GRAMD2B: variants seen among roughly 807,000 people sequenced by gnomAD.
The protein encoded by GRAMD2B is GRAM domain-containing protein 2B.
A neutral mutation model predicts 59.2 loss-of-function variants in GRAMD2B; 41 were observed. The observed-to-expected ratio is 0.69, with a 90% CI of 0.54 to 0.90. The LOEUF (loss-of-function observed/expected upper bound fraction) is 0.90. Among genes scored for constraint, GRAMD2B ranks in the 40% least tolerant of loss-of-function variants. The probability of loss-of-function intolerance (pLI) is 0.00; values close to 1 mark genes in which losing one functional copy is unlikely to be tolerated. For missense variants in GRAMD2B, 424 were observed against 500.5 expected (o/e 0.85, Z 1.46); for synonymous variants, 161 against 182.7 (o/e 0.88, Z 0.96).
At chr5:126,384,207 T>C (rs999675933) in intron 1 of GRAMD2B, among the ~76,000 whole-genome samples, 6 of 152,202 alleles carry the variant, frequency 3.9e-5, no homozygotes, top group African/African-American at 1.4e-4. Flanking sequence ...GCTCAGATCC[T>C]GCTTCCAGGA....
chr5:126,464,998 A>G (rs1382395924), intron 1 of GRAMD2B: 4 of 944,890 alleles, frequency 4.2e-6, no homozygotes, highest in Non-Finnish European at 5.1e-6. Context: ...TGTAAGTGAC[A>G]TAAGAGAAAT....
intron 1 of GRAMD2B, among the ~76,000 whole-genome samples, chr5:126,409,200 C>T (rs910591098): frequency 3.3e-5 from 5 of 152,130 alleles, no homozygotes; most frequent in Non-Finnish European, 7.3e-5. Context: ...TGGGTATACA[C>T]CCAGTAATGG....
intron 1 of GRAMD2B, among the ~76,000 whole-genome samples, chr5:126,413,936 C>T (rs191536658): frequency 2.1e-3 from 315 of 152,218 alleles, no homozygotes; most frequent in African/African-American, 4.4e-3. Flanking sequence ...ACTTGTCCAA[C>T]GTAGTAAAGT....
At chr5:126,480,862 A>T (rs928774724) in intron 8 of GRAMD2B, 155 bp downstream of exon 8, 3 of 637,898 alleles carry the variant, frequency 4.7e-6, no homozygotes, top group Non-Finnish European at 8.2e-6. Flanking sequence ...CTTGAAGAAG[A>T]GGAAACCATA....
intron 1 of GRAMD2B, among the ~76,000 whole-genome samples, chr5:126,393,929 G>A (rs1757080074): frequency 6.6e-6 from 1 of 152,010 alleles, no homozygotes; most frequent in South Asian, 2.1e-4. Flanking sequence ...GCTCAGAAGG[G>A]ACCATATGAG....
intron 6 of GRAMD2B, 47 bp downstream of exon 6, chr5:126,477,834 C>A: frequency 9.3e-7 from 1 of 1,076,704 alleles, no homozygotes; most frequent in Non-Finnish European, 1.5e-6. Context: ...TCCTCCTGCT[C>A]TGGGCTCTGC....
intron 1 of GRAMD2B, among the ~76,000 whole-genome samples, chr5:126,363,954 C>T (rs4835898): frequency 0.15 from 22,746 of 151,878 alleles, 2,107 homozygotes; most frequent in East Asian, 0.26. Flanking sequence ...TTGTACACTT[C>T]GAACAAGTGA....
chr5:126,368,054 A>G (rs1180622516), upstream of GRAMD2B, among the ~76,000 whole-genome samples: 1 of 152,222 alleles, frequency 6.6e-6, no homozygotes, highest in Non-Finnish European at 1.5e-5. Flanking sequence ...CCCGGCCGAG[A>G]AGACTTTCAA....
At chr5:126,460,973 T>C (rs570964166) in intron 1 of GRAMD2B, among the ~76,000 whole-genome samples, 26 of 152,374 alleles carry the variant, frequency 1.7e-4, no homozygotes, top group African/African-American at 6.3e-4. Flanking sequence ...AAACTACCTC[T>C]ACTTCTACTA....
At chr5:126,484,311 T>C in intron 9 of GRAMD2B, 91 bp from the exon 10 acceptor site, 2 of 1,415,648 alleles carry the variant, frequency 1.4e-6, no homozygotes, top group Admixed American at 4.3e-5. Context: ...TTGACCATTA[T>C]GCATGTTAAG....
intron 2 of GRAMD2B, among the ~76,000 whole-genome samples, chr5:126,468,822 T>C (rs1394651474): frequency 6.6e-6 from 1 of 152,124 alleles, no homozygotes; most frequent in East Asian, 1.9e-4. Flanking sequence ...GTTAGACTTA[T>C]TGGCTCCATA....
rs768113530 is a variant in GRAMD2B at position 126,360,447 on chromosome 5, C to T, written c.116C>T (p.Pro39Leu). The T allele has an allele frequency of 1.1e-4, 163 of 1,550,794 alleles. No individual in the cohort carries two copies. The African/African-American group carries it at 1.6e-3, about 15-fold the overall frequency. ...GGGAGAGAAGTGAAGCCAGTGGGTCCGGACCTGGAACTGTAAGTGACAGGT... is the reference window on the plus strand; with the variant it reads ...GGGAGAGAAGTGAAGCCAGTGGGTCTGGACCTGGAACTGTAAGTGACAGGT... Residue 39 changes from proline (P) to leucine (L), a missense_variant, in exon 1 of 14, where the codon CCG (proline) becomes CTG (leucine). Physicochemically the swap from Pro to Leu is moderately conservative, Grantham distance 98. Coordinates refer to the GRAMD2B transcript ENST00000513040.
At chr5:126,389,976 A>G (rs1010477888) in intron 1 of GRAMD2B, among the ~76,000 whole-genome samples, 2 of 152,228 alleles carry the variant, frequency 1.3e-5, no homozygotes, top group Non-Finnish European at 2.9e-5. Flanking sequence ...AATTGTCCAC[A>G]TTGGGAAATA....
At chr5:126,363,043 GA>G (rs1382255746) in intron 1 of GRAMD2B, among the ~76,000 whole-genome samples, 1 of 152,156 alleles carries the variant, frequency 6.6e-6, no homozygotes, top group Admixed American at 6.5e-5. Flanking sequence ...GACATCCTAT[GA>G]AATGATAGAA....
At chr5:126,487,006 G>A in intron 12 of GRAMD2B, 29 bp downstream of exon 12, 1 of 1,206,272 alleles carries the variant, frequency 8.3e-7, no homozygotes, top group Non-Finnish European at 1.2e-6. Flanking sequence ...GCTGTCATCT[G>A]CTTGCCATTC....
At chr5:126,406,684 C>T (rs1275851684) in intron 1 of GRAMD2B, among the ~76,000 whole-genome samples, 5 of 151,946 alleles carry the variant, frequency 3.3e-5, no homozygotes, top group Non-Finnish European at 7.4e-5. Context: ...CCCCTGGATA[C>T]CCAAGGCTTT....
chr5:126,377,383 C>T (rs1046764643), intron 1 of GRAMD2B, among the ~76,000 whole-genome samples: 2 of 152,196 alleles, frequency 1.3e-5, no homozygotes, highest in Non-Finnish European at 2.9e-5. Context: ...TTTCTACCCT[C>T]ACTTATAAGA....
chr5:126,381,046 T>C (rs891949003), intron 1 of GRAMD2B, among the ~76,000 whole-genome samples: 2 of 152,208 alleles, frequency 1.3e-5, no homozygotes, highest in Non-Finnish European at 1.5e-5. Context: ...TTGTCATAGA[T>C]GGCTTTTATT....
chr5:126,381,020 T>C (rs1314558915), intron 1 of GRAMD2B, among the ~76,000 whole-genome samples: 1 of 152,214 alleles, frequency 6.6e-6, no homozygotes, highest in Non-Finnish European at 1.5e-5. Flanking sequence ...CCATTCAGTA[T>C]AATGTTGGCT....
Sources: gnomAD v4.1 joint callset for allele counts (sites outside exome capture counted in the v4.1 genomes callset) on GRCh38, gnomAD v4.1.1 for gene constraint, MANE v1.5 for transcripts, NCBI Gene and HGNC (gene_info 2026-07-23, HGNC 2026-07-21) for gene names.